The following GMCL1 variants were observed in gnomAD, a reference collection of about 807,000 sequenced individuals.
GMCL1 encodes germ cell-less 1, spermatogenesis associated.
Under a neutral mutation model 75.5 loss-of-function variants are expected in GMCL1, and 54 were observed. The observed-to-expected ratio is 0.71, with a 90% CI of 0.57 to 0.90. The LOEUF is 0.90. Ranked by LOEUF, GMCL1 falls within the 40% of genes least tolerant of loss-of-function variation. The probability of loss-of-function intolerance (pLI) is 0.00; values close to 1 mark genes in which losing one functional copy is unlikely to be tolerated. For synonymous variants in GMCL1, 210 were observed against 209.6 expected, an observed-to-expected ratio of 1.00 and a Z score of -0.02; for missense variants, 537 against 622.7, an observed-to-expected ratio of 0.86 and a Z score of 1.47.
In GMCL1 at chr2:69,864,988, T is replaced by G. The variant is rs2104026179; in HGVS notation, c.1218+13T>G. On this transcript the variant is annotated intron_variant, in intron 11 of 13. Transcript: ENST00000282570. The stretch of plus-strand genomic sequence containing the variant: ...CAAAGATGGTGAAGTAAGTATGGGT[T>G]GTGACTGTTAATATTCTTATACAAA... 1 of 1,590,216 alleles carries G rather than the reference T, an allele frequency of 6.3e-7. No homozygotes were observed. Among genetic ancestry groups the G allele is most frequent in the Non-Finnish European group, 8.6e-7 (1 of 1,158,568 alleles).
At position 69,847,526 on chromosome 2, in the gene GMCL1, CTATT is replaced by C; in HGVS notation, c.759-13_759-10del. ...GTGCCTAAAGATAAGCTCACTCCCT[CTATT>C]TATCCTTTTCAGTATAAATGTCATG... On this transcript the variant is annotated splice_polypyrimidine_tract_variant and intron_variant, in intron 6 of 13. Coordinates refer to ENST00000282570, the MANE Select transcript of GMCL1 (RefSeq NM_178439.5). 1.3e-6 allele frequency: 2 copies of C among 1,503,610 alleles called. No individual in the cohort carries two copies. The highest frequency in any genetic ancestry group is 1.1e-5 in the South Asian group (1 of 88,804). The allele number at this position is 1,503,610 out of a possible 1,614,324, so 93.1% of individuals were successfully genotyped here.
At chr2:69,864,330 TATA>T (rs1675745731) in intron 10 of GMCL1, among the ~76,000 whole-genome samples, 1 of 151,986 alleles carries the variant, frequency 6.6e-6, no homozygotes, top group African/African-American at 2.4e-5. Context: ...TGATGCTAAT[TATA>T]ATACCATATT....
intron 11 of GMCL1, among the ~76,000 whole-genome samples, chr2:69,868,259 T>TA (rs1182799179): frequency 2.6e-5 from 4 of 152,176 alleles, no homozygotes; most frequent in Non-Finnish European, 4.4e-5. Flanking sequence ...GCTTTGCCCT[T>TA]ACAGTTATCA....
chr2:69,867,096 C>T (rs1675840136), intron 11 of GMCL1, among the ~76,000 whole-genome samples: 1 of 151,954 alleles, frequency 6.6e-6, no homozygotes, highest in Non-Finnish European at 1.5e-5. Context: ...AAGAATGCAC[C>T]ACCACGCCTG....
intron 13 of GMCL1, among the ~76,000 whole-genome samples, chr2:69,874,592 T>G (rs1405512328): frequency 2.6e-5 from 4 of 152,056 alleles, no homozygotes; most frequent in East Asian, 1.9e-4. Context: ...TATTGTTGGG[T>G]TTTTTTATGC....
intron 8 of GMCL1, among the ~76,000 whole-genome samples, chr2:69,852,431 CAG>C (rs562991743): frequency 1.8e-3 from 280 of 152,254 alleles, no homozygotes; most frequent in African/African-American, 6.2e-3. Context: ...GAAGATTTTA[CAG>C]AGTCATTTTC....
chr2:69,860,101 A>G (rs183675516), intron 9 of GMCL1, among the ~76,000 whole-genome samples: 2 of 152,154 alleles, frequency 1.3e-5, no homozygotes, highest in African/African-American at 2.4e-5. Context: ...TCTCAGACTC[A>G]AGAGATCTTT....
intron 9 of GMCL1, among the ~76,000 whole-genome samples, chr2:69,860,261 G>C (rs1033319814): frequency 6.6e-6 from 1 of 151,894 alleles, no homozygotes; most frequent in Non-Finnish European, 1.5e-5. Context: ...AAAGTGCTTG[G>C]GATTACAAGC....
intron 12 of GMCL1, 107 bp downstream of exon 12, chr2:69,869,971 T>C: frequency 8.9e-7 from 1 of 1,124,144 alleles, no homozygotes; most frequent in Middle Eastern, 2.1e-4. Flanking sequence ...TAAGCTACAG[T>C]ATATGTGGAA....
At chr2:69,862,517 T>A (rs1305496349) in intron 10 of GMCL1, among the ~76,000 whole-genome samples, 1 of 152,088 alleles carries the variant, frequency 6.6e-6, no homozygotes, top group East Asian at 1.9e-4. Flanking sequence ...CCCAGCACTT[T>A]GGGAGGCCGG....
Position 69,837,553 on chromosome 2 carries a change from A to G in GMCL1, c.267A>G (p.Lys89=). Residue 89 remains lysine, a synonymous_variant, in exon 2 of 14, where the codon AAA becomes AAG. Coordinates refer to ENST00000282570, the MANE Select transcript of GMCL1 (RefSeq NM_178439.5). ...TTTTCATTTCTTTTAACAGGAAAAA[A>G]TTAAAGAGTACATCTAAATATATTT... ...QRLLNTPRRK[K]LKSTSKYIYQ... The G allele has an allele frequency of 6.5e-7, 1 of 1,546,168 alleles. No individual in the cohort carries two copies. The highest frequency in any genetic ancestry group is 8.7e-7 in the Non-Finnish European group (1 of 1,146,444).
intron 6 of GMCL1, among the ~76,000 whole-genome samples, chr2:69,845,648 A>T (rs17037156): frequency 0.072 from 10,893 of 152,220 alleles, 1,031 homozygotes; most frequent in Admixed American, 0.22. Context: ...ACTGTCCTTT[A>T]TATGTAAAGA....
At chr2:69,870,864 C>A (rs760745654) in intron 12 of GMCL1, among the ~76,000 whole-genome samples, 1 of 152,000 alleles carries the variant, frequency 6.6e-6, no homozygotes, top group African/African-American at 2.4e-5. Context: ...AGAAAAAAAA[C>A]AACAAAAGTA....
chr2:69,871,833 G>A lies in GMCL1; in HGVS notation c.1452+1G>A. ...AATACTTACACTTGAAAAGGATCAG[G>A]TATGTTCGATTATCTTCTGGTATGT... On this transcript the variant is annotated splice_donor_variant, in intron 13 of 13. Transcript: ENST00000282570. LOFTEE classifies it high-confidence loss of function. The A allele has an allele frequency of 6.5e-7, 1 of 1,540,344 alleles. No individual in the cohort carries two copies. The highest frequency in any genetic ancestry group is 1.2e-5 in the South Asian group (1 of 84,122).
intron 12 of GMCL1, among the ~76,000 whole-genome samples, chr2:69,871,473 C>T (rs1413517523): frequency 6.6e-6 from 1 of 152,104 alleles, no homozygotes; most frequent in Admixed American, 6.6e-5. Context: ...TTTAATGCCA[C>T]AGAACTATAT....
chr2:69,863,120 A>C (rs928014503), intron 10 of GMCL1, among the ~76,000 whole-genome samples: 3 of 152,170 alleles, frequency 2.0e-5, no homozygotes, highest in Non-Finnish European at 4.4e-5. Flanking sequence ...TGCGTATACC[A>C]AAATCCACAC....
rs774117430 is a variant in GMCL1 at position 69,829,685 on chromosome 2, A to C, written c.-208A>C. The C allele has an allele frequency of 6.1e-5, 33 of 543,440 alleles. No homozygotes were observed. The highest frequency in any genetic ancestry group is 9.8e-5 in the Non-Finnish European group (31 of 317,364). The allele number at this position is 543,440 out of a possible 1,614,324, so 33.7% of individuals were successfully genotyped here. A position where few individuals can be genotyped will look rare whatever the true frequency, so the allele number is the denominator to read the frequency against. ...GCTTTGTTGCGAAAGCGAGGGGGCG[A>C]GGTGCTGCGGTGCTAGAGCGCGGCG... On this transcript the variant is annotated 5_prime_UTR_variant, in exon 1 of 14. Coordinates refer to ENST00000282570, the MANE Select transcript of GMCL1 (RefSeq NM_178439.5).
At chr2:69,868,013 G>A (rs556760781) in intron 11 of GMCL1, among the ~76,000 whole-genome samples, 7 of 152,282 alleles carry the variant, frequency 4.6e-5, no homozygotes, top group Admixed American at 3.9e-4. Flanking sequence ...TATGCGCTAT[G>A]CATTTCATCT....
At chr2:69,871,649 A>G in intron 12 of GMCL1, 96 bp from the exon 13 acceptor site, 1 of 649,206 alleles carries the variant, frequency 1.5e-6, no homozygotes, top group Non-Finnish European at 2.6e-6. Flanking sequence ...TCAAATAAAA[A>G]ACAGAGGAAA....
Sources: gnomAD v4.1 joint callset for allele counts (sites outside exome capture counted in the v4.1 genomes callset) on GRCh38, gnomAD v4.1.1 for gene constraint, MANE v1.5 for transcripts, NCBI Gene and HGNC (gene_info 2026-07-23, HGNC 2026-07-21) for gene names.